The following CSMD1 variants were observed in gnomAD, a reference collection of about 807,000 sequenced individuals.
The protein encoded by CSMD1 is CUB and Sushi multiple domains 1, also known as CUB and sushi domain-containing protein 1.
In CSMD1, 213 loss-of-function variants were observed where a neutral mutation model predicts 417.5. That is an observed-to-expected ratio of 0.51 (90% CI 0.46 to 0.57). CSMD1 has a LOEUF of 0.57. CSMD1 is among the 20% of genes least tolerant of loss of function. CSMD1 has a pLI of 0.00. For missense variants in CSMD1, 6,923 were observed against 4,529.7 expected (o/e 1.53, Z -15.17); for synonymous variants, 2,862 against 1,736.8 (o/e 1.65, Z -16.11).
At chr8:4,121,178 G>A (rs527626509) in intron 3 of CSMD1, among the ~76,000 whole-genome samples, 23 of 152,070 alleles carry the variant, frequency 1.5e-4, no homozygotes, top group South Asian at 4.2e-4. Flanking sequence ...GCAATGGCAC[G>A]ATCTTAGCTC....
chr8:3,551,430 A>C (rs1798906968), intron 10 of CSMD1, among the ~76,000 whole-genome samples: 2 of 152,104 alleles, frequency 1.3e-5, no homozygotes, highest in South Asian at 4.1e-4. Flanking sequence ...GAATTAACTA[A>C]TCTGCACACT....
chr8:4,687,039 A>G (rs1584945498), intron 1 of CSMD1, among the ~76,000 whole-genome samples: 1 of 152,292 alleles, frequency 6.6e-6, no homozygotes, highest in South Asian at 2.1e-4. Flanking sequence ...CCATGCACCC[A>G]TGGCAGATGT....
intron 3 of CSMD1, among the ~76,000 whole-genome samples, chr8:4,040,238 T>C (rs967003801): frequency 6.6e-6 from 1 of 152,236 alleles, no homozygotes; most frequent in Non-Finnish European, 1.5e-5. Context: ...TCCACTTCAT[T>C]ATTTCTGCCT....
At chr8:3,014,305 C>G (rs1808656621) in intron 52 of CSMD1, among the ~76,000 whole-genome samples, 1 of 152,104 alleles carries the variant, frequency 6.6e-6, no homozygotes, top group Non-Finnish European at 1.5e-5. Context: ...TATATTAGTT[C>G]TATGTGAAAA....
At chr8:2,942,363 G>T (rs972614451) in intron 69 of CSMD1, 109 bp downstream of exon 69, 5 of 912,156 alleles carry the variant, frequency 5.5e-6, no homozygotes, top group South Asian at 2.4e-5. Flanking sequence ...AAAGAACATT[G>T]CATAGTAATA....
At chr8:4,894,956 G>C (rs1209731267) in intron 1 of CSMD1, among the ~76,000 whole-genome samples, 2 of 152,164 alleles carry the variant, frequency 1.3e-5, no homozygotes, top group Non-Finnish European at 2.9e-5. Flanking sequence ...AAATGGCTGA[G>C]GTTCAGGGCT....
intron 3 of CSMD1, among the ~76,000 whole-genome samples, chr8:4,361,961 T>A (rs1801793527): frequency 6.6e-6 from 1 of 151,800 alleles, no homozygotes; most frequent in Non-Finnish European, 1.5e-5. Flanking sequence ...CAAGACTCCA[T>A]CTCAAAATAA....
chr8:4,664,287 C>T (rs546888288), intron 1 of CSMD1, among the ~76,000 whole-genome samples: 4 of 152,242 alleles, frequency 2.6e-5, no homozygotes, highest in African/African-American at 7.2e-5. Context: ...ATGCTGGGCA[C>T]GGTGGCTCAC....
intron 27 of CSMD1, among the ~76,000 whole-genome samples, chr8:3,229,315 T>G (rs1585721473): frequency 6.6e-6 from 1 of 152,198 alleles, no homozygotes; most frequent in African/African-American, 2.4e-5. Context: ...AGTTCAGTAG[T>G]TTCTTTTTAA....
At chr8:4,246,451 G>A (rs1802714870) in intron 3 of CSMD1, among the ~76,000 whole-genome samples, 1 of 152,096 alleles carries the variant, frequency 6.6e-6, no homozygotes, top group South Asian at 2.1e-4. Context: ...TCTTCGTATG[G>A]TACCTCAATT....
At chr8:3,701,958 C>G (rs1455345101) in intron 7 of CSMD1, among the ~76,000 whole-genome samples, 1 of 152,074 alleles carries the variant, frequency 6.6e-6, no homozygotes, top group Non-Finnish European at 1.5e-5. Context: ...GAATATCATT[C>G]TGTTTTGCTT....
intron 7 of CSMD1, among the ~76,000 whole-genome samples, chr8:3,660,372 G>C (rs1798349701): frequency 6.6e-6 from 1 of 151,858 alleles, no homozygotes; most frequent in South Asian, 2.1e-4. Flanking sequence ...CCAGGGACCA[G>C]CACAGAAAAA....
intron 1 of CSMD1, among the ~76,000 whole-genome samples, chr8:4,774,690 T>C (rs920974823): frequency 1.3e-5 from 2 of 152,164 alleles, no homozygotes; most frequent in Non-Finnish European, 2.9e-5. Flanking sequence ...TATTGGCTCA[T>C]GGGGGTGGAT....
At chr8:4,225,748 G>T (rs553628147) in intron 3 of CSMD1, among the ~76,000 whole-genome samples, 2 of 152,036 alleles carry the variant, frequency 1.3e-5, no homozygotes, top group African/African-American at 2.4e-5. Context: ...CTGAGTAAAG[G>T]TTTCAATGGG....
At chr8:4,118,698 T>A (rs1003785480) in intron 3 of CSMD1, among the ~76,000 whole-genome samples, 8 of 152,164 alleles carry the variant, frequency 5.3e-5, no homozygotes, top group Non-Finnish European at 8.8e-5. Context: ...TGCTCAAGGA[T>A]CTAGAACTAG....
At chr8:3,558,957 C>T (rs569918268) in intron 10 of CSMD1, among the ~76,000 whole-genome samples, 17 of 152,174 alleles carry the variant, frequency 1.1e-4, no homozygotes, top group East Asian at 5.8e-4. Flanking sequence ...CCCAGTATGA[C>T]GGCAGAATTG....
chr8:3,713,011 C>G (rs934053998), intron 6 of CSMD1, among the ~76,000 whole-genome samples: 16 of 151,632 alleles, frequency 1.1e-4, no homozygotes. Flanking sequence ...TCATCGCAAA[C>G]CAAGAAGTAT....
At chr8:3,508,848 C>A (rs966828254) in intron 10 of CSMD1, among the ~76,000 whole-genome samples, 1 of 152,198 alleles carries the variant, frequency 6.6e-6, no homozygotes, top group African/African-American at 2.4e-5. Flanking sequence ...CTCTCCTACA[C>A]TGGGAAACGG....
chr8:4,406,397 A>G (rs1805022740), intron 3 of CSMD1, among the ~76,000 whole-genome samples: 1 of 152,074 alleles, frequency 6.6e-6, no homozygotes, highest in African/African-American at 2.4e-5. Flanking sequence ...CTCAACTTTT[A>G]CTTCCCCAAC....
Sources: allele counts gnomAD v4.1 joint callset (sites outside exome capture counted in the v4.1 genomes callset), GRCh38; gene constraint gnomAD v4.1.1; transcripts MANE v1.5; gene names NCBI Gene and HGNC (gene_info 2026-07-23, HGNC 2026-07-21).